Variants in SYN3 observed in about 807,000 individuals in gnomAD.
SYN3 encodes synapsin-3.
SYN3 carries 35 observed loss-of-function variants against 65.8 expected under a neutral mutation model. The ratio of observed to expected loss-of-function variants is 0.53; its 90% CI spans 0.41 to 0.70. The LOEUF (loss-of-function observed/expected upper bound fraction) is 0.70, where lower values mean the gene tolerates loss of function less well. SYN3 is among the 30% of genes least tolerant of loss of function. The pLI, the probability that SYN3 is intolerant of heterozygous loss-of-function variation, is 0.00. For synonymous variants in SYN3, 270 were observed against 292.9 expected, an observed-to-expected ratio of 0.92 and a Z score of 0.80; for missense variants, 680 against 749.0, an observed-to-expected ratio of 0.91 and a Z score of 1.08.
intron 4 of SYN3, among the ~76,000 whole-genome samples, chr22:32,927,521 T>G (rs934635465): frequency 5.3e-5 from 8 of 151,986 alleles, no homozygotes; most frequent in Admixed American, 1.3e-4. Context: ...AGTGCTGGGA[T>G]TTACAGGCGT....
intron 6 of SYN3, among the ~76,000 whole-genome samples, chr22:32,701,616 G>A (rs1372733140): frequency 2.0e-5 from 3 of 152,110 alleles, no homozygotes; most frequent in Admixed American, 6.5e-5. Flanking sequence ...AATTTATAGA[G>A]ATAAAACATA....
intron 6 of SYN3, among the ~76,000 whole-genome samples, chr22:32,824,881 G>T (rs148051095): frequency 6.6e-6 from 1 of 152,286 alleles, no homozygotes. Context: ...GACAACCAGA[G>T]TACTTTTATA....
chr22:32,541,649 T>C lies in SYN3; in HGVS notation c.839A>G (p.Tyr280Cys), dbSNP rs760380900. ...ITSVVAMAKT[Y>C]ATTEAFIDSK... ...GTCGATGAAGGCCTCGGTGGTGGCG[T>C]AGGTTTTGGCCATGGCGACCACGCT... Residue 280 changes from tyrosine to cysteine, a missense_variant, in exon 8 of 14, where the codon TAC becomes TGC. Tyr to Cys is a radical substitution (Grantham distance 194, BLOSUM62 -2). Transcript: ENST00000358763. 1.7e-5 allele frequency: 27 copies of C among 1,613,138 alleles called. No individual in the cohort carries two copies. The highest frequency in any genetic ancestry group is 2.0e-5 in the Non-Finnish European group (24 of 1,179,754).
At chr22:32,781,241 G>A (rs1275603049) in intron 6 of SYN3, among the ~76,000 whole-genome samples, 1 of 151,988 alleles carries the variant, frequency 6.6e-6, no homozygotes, top group African/African-American at 2.4e-5. Context: ...ACTGGGAAGT[G>A]CCATCTTTTA....
intron 2 of SYN3, among the ~76,000 whole-genome samples, chr22:32,984,044 AGCTGAGGCAGGAGAG>A (rs1289846536): frequency 2.0e-5 from 3 of 151,686 alleles, no homozygotes; most frequent in South Asian, 2.1e-4. Flanking sequence ...CTGTAATTCC[AGCTGAGGCAGGAGAG>A]GCTGAGGCAG....
At chr22:32,637,993 C>T (rs1601813837) in intron 6 of SYN3, among the ~76,000 whole-genome samples, 4 of 152,278 alleles carry the variant, frequency 2.6e-5, no homozygotes, top group Admixed American at 2.6e-4. Flanking sequence ...TTTAGTAGTT[C>T]AGTGACTATT....
chr22:32,962,740 C>A (rs146480410), intron 3 of SYN3, among the ~76,000 whole-genome samples: 7 of 152,174 alleles, frequency 4.6e-5, no homozygotes, highest in African/African-American at 1.4e-4. Flanking sequence ...ACAGGTAACT[C>A]ACAAGATCAC....
chr22:33,023,120 C>A (rs1162709835), intron 1 of SYN3, among the ~76,000 whole-genome samples: 1 of 152,134 alleles, frequency 6.6e-6, no homozygotes, highest in Non-Finnish European at 1.5e-5. Flanking sequence ...GAGGCCAAGG[C>A]AGGAGGATTG....
intron 6 of SYN3, among the ~76,000 whole-genome samples, chr22:32,632,483 G>A (rs1470817961): frequency 6.6e-6 from 1 of 152,194 alleles, no homozygotes; most frequent in East Asian, 1.9e-4. Context: ...CTAATGGGAA[G>A]TAGCCCTTGA....
chr22:32,885,164 A>C (rs1353551779), intron 4 of SYN3, among the ~76,000 whole-genome samples: 2 of 69,868 alleles, frequency 2.9e-5, no homozygotes, highest in East Asian at 2.4e-4. Context: ...TTGGGTGCAA[A>C]AAAAAAAAAG....
chr22:32,878,188 C>G (rs17778906), intron 4 of SYN3, among the ~76,000 whole-genome samples: 25,519 of 152,066 alleles, frequency 0.17, 2,482 homozygotes, highest in Non-Finnish European at 0.23. Context: ...TGTGACTGGA[C>G]CCCAAGTCAT....
chr22:32,984,988 G>A (rs1291344575), intron 2 of SYN3, among the ~76,000 whole-genome samples: 1 of 152,178 alleles, frequency 6.6e-6, no homozygotes, highest in Admixed American at 6.5e-5. Context: ...TGGTGAGAAA[G>A]TCACATAATC....
chr22:32,858,873 G>A (rs920041549), intron 6 of SYN3, among the ~76,000 whole-genome samples: 2 of 152,078 alleles, frequency 1.3e-5, no homozygotes, highest in South Asian at 2.1e-4. Context: ...CACCTGAGAC[G>A]AAAAAGTCCT....
chr22:32,594,070 C>T (rs1424908867), intron 7 of SYN3, among the ~76,000 whole-genome samples: 1 of 152,028 alleles, frequency 6.6e-6, no homozygotes, highest in Non-Finnish European at 1.5e-5. Flanking sequence ...TTGGAGACCA[C>T]TGAGAGGACA....
chr22:33,050,494 A>C (rs956764572), intron 1 of SYN3, among the ~76,000 whole-genome samples: 6 of 151,740 alleles, frequency 4.0e-5, no homozygotes, highest in East Asian at 3.9e-4. Context: ...AAAAAAAAAA[A>C]AAAAACAAAA....
At chr22:32,518,421 G>A (rs776445842) in intron 12 of SYN3, 87 bp from the exon 13 acceptor site, 3 of 1,479,194 alleles carry the variant, frequency 2.0e-6, no homozygotes, top group Non-Finnish European at 2.8e-6. Flanking sequence ...CTTCAAGGAT[G>A]TTCATTACAG....
rs779458245 is a variant in SYN3, at chr22:32,518,195, C to T, written c.1458G>A (p.Gln486=). 5 of 1,613,946 alleles carry T rather than the reference C, an allele frequency of 3.1e-6. No homozygotes were observed. The East Asian group carries it at 8.9e-5, about 29-fold the overall frequency. Residue 486 remains glutamine, a synonymous_variant, in exon 13 of 14, where the codon CAG becomes CAA. Transcript: ENST00000358763. ...PQQQRSPGSP[Q]LSRASSGSSP... ...AGCTGCCACTGGATGCCCGGGATAGCTGCGGAGAGCCTGGTGACCTTTGCT... is the reference window on the plus strand; with the variant it reads ...AGCTGCCACTGGATGCCCGGGATAGTTGCGGAGAGCCTGGTGACCTTTGCT...
intron 3 of SYN3, among the ~76,000 whole-genome samples, chr22:32,960,160 CT>C (rs2051603289): frequency 6.6e-6 from 1 of 152,152 alleles, no homozygotes; most frequent in South Asian, 2.1e-4. Flanking sequence ...AGGGAATGCC[CT>C]TCCTAGGTTA....
chr22:32,569,403 CT>C (rs1357095730), intron 7 of SYN3, among the ~76,000 whole-genome samples: 1,121 of 68,544 alleles, frequency 0.016, 17 homozygotes, highest in African/African-American at 0.085. Flanking sequence ...CATCCAAAAT[CT>C]ATCTATCTAT....
Sources: allele counts gnomAD v4.1 joint callset (sites outside exome capture counted in the v4.1 genomes callset), GRCh38; gene constraint gnomAD v4.1.1; transcripts MANE v1.5; gene names NCBI Gene and HGNC (gene_info 2026-07-23, HGNC 2026-07-21).